The following INVS variants were observed in gnomAD, a reference collection of about 807,000 sequenced individuals.
INVS encodes inversion of embryo turning homolog.
In INVS, 86 loss-of-function variants were observed where a neutral mutation model predicts 108.8. That is an observed-to-expected ratio of 0.79 (90% CI 0.66 to 0.95). The LOEUF (loss-of-function observed/expected upper bound fraction) is 0.95. Ranked by LOEUF, INVS falls within the 40% of genes least tolerant of loss-of-function variation. INVS has a pLI of 0.00. For missense variants in INVS, 1,169 were observed against 1,297.4 expected (o/e 0.90, Z 1.52); for synonymous variants, 455 against 473.5 (o/e 0.96, Z 0.51).
intron 13 of INVS, among the ~76,000 whole-genome samples, chr9:100,289,650 T>TATAA (rs1051708652): frequency 1.3e-5 from 2 of 152,194 alleles, no homozygotes; most frequent in African/African-American, 4.8e-5. Flanking sequence ...TCTATTCTCC[T>TATAA]TTATATGGCC....
intron 3 of INVS, among the ~76,000 whole-genome samples, chr9:100,179,802 A>G (rs1829825485): frequency 6.6e-6 from 1 of 152,204 alleles, no homozygotes; most frequent in Non-Finnish European, 1.5e-5. Context: ...CCTAATAAAC[A>G]TCTACAGAAC....
chr9:100,196,371 T>G (rs1180765659), intron 3 of INVS, among the ~76,000 whole-genome samples: 1 of 152,190 alleles, frequency 6.6e-6, no homozygotes, highest in Non-Finnish European at 1.5e-5. Flanking sequence ...GAGTTTCTGA[T>G]AAACAACTCA....
At chr9:100,297,595 A>G (rs2118784689) in intron 15 of INVS, among the ~76,000 whole-genome samples, 1 of 152,328 alleles carries the variant, frequency 6.6e-6, no homozygotes, top group South Asian at 2.1e-4. Context: ...CACTATAGTA[A>G]ATATTTGTTC....
intron 3 of INVS, among the ~76,000 whole-genome samples, chr9:100,181,619 CACAA>C (rs1294505550): frequency 2.6e-5 from 4 of 151,928 alleles, no homozygotes; most frequent in Admixed American, 6.6e-5. Flanking sequence ...TAAGAGATGA[CACAA>C]ACAAATAGAA....
intron 3 of INVS, among the ~76,000 whole-genome samples, chr9:100,176,896 A>G (rs986867628): frequency 2.6e-5 from 4 of 152,052 alleles, no homozygotes; most frequent in Admixed American, 2.6e-4. Context: ...GGTTATGCTA[A>G]TATTTATAGA....
chr9:100,200,957 C>T (rs1429072007), intron 3 of INVS, among the ~76,000 whole-genome samples: 4 of 152,214 alleles, frequency 2.6e-5, no homozygotes, highest in African/African-American at 9.6e-5. Context: ...TTCATTCACT[C>T]ATTTACTCAT....
At chr9:100,295,338 G>A (rs1270262355) in intron 14 of INVS, among the ~76,000 whole-genome samples, 1 of 152,184 alleles carries the variant, frequency 6.6e-6, no homozygotes, top group African/African-American at 2.4e-5. Flanking sequence ...GCCCCCTCTG[G>A]ATGTGCCATT....
intron 3 of INVS, among the ~76,000 whole-genome samples, chr9:100,207,083 G>C (rs1365928936): frequency 6.6e-6 from 1 of 152,050 alleles, no homozygotes; most frequent in Non-Finnish European, 1.5e-5. Flanking sequence ...CTCCTGCCAG[G>C]TTCCTCTGCT....
chr9:100,200,498 C>T (rs964478626), intron 3 of INVS, among the ~76,000 whole-genome samples: 6 of 152,176 alleles, frequency 3.9e-5, no homozygotes, highest in African/African-American at 1.2e-4. Context: ...CTCGGTTTTT[C>T]CCTTAGTCTA....
chr9:100,213,398 G>T (rs1321054988), intron 3 of INVS, among the ~76,000 whole-genome samples: 1 of 151,612 alleles, frequency 6.6e-6, no homozygotes, highest in Non-Finnish European at 1.5e-5. Flanking sequence ...TAGAGAAAGG[G>T]TCTCACTATG....
intron 2 of INVS, among the ~76,000 whole-genome samples, chr9:100,119,620 A>G (rs2118872767): frequency 6.6e-6 from 1 of 152,308 alleles, no homozygotes; most frequent in East Asian, 1.9e-4. Context: ...GCAGTGGTGC[A>G]ATCTCAGCTT....
chr9:100,141,438 G>A (rs897700932), intron 3 of INVS, among the ~76,000 whole-genome samples: 1 of 152,112 alleles, frequency 6.6e-6, no homozygotes, highest in Non-Finnish European at 1.5e-5. Flanking sequence ...CCAAGAGCCT[G>A]AAAAAATGCT....
At chr9:100,242,215 A>G (rs1831897039) in intron 6 of INVS, among the ~76,000 whole-genome samples, 1 of 152,200 alleles carries the variant, frequency 6.6e-6, no homozygotes, top group Non-Finnish European at 1.5e-5. Context: ...GTGAAGGCTA[A>G]GAGGGCTTGG....
chr9:100,297,209 G>C, intron 15 of INVS, 63 bp downstream of exon 15: 1 of 1,268,350 alleles, frequency 7.9e-7, no homozygotes, highest in Non-Finnish European at 1.1e-6. Context: ...ATCAGAATCT[G>C]AAGTAGAATT....
intron 3 of INVS, among the ~76,000 whole-genome samples, chr9:100,188,878 G>C (rs145923034): frequency 1.3e-4 from 20 of 152,050 alleles, no homozygotes; most frequent in Admixed American, 9.8e-4. Context: ...CTCATTGCTT[G>C]TTATTGGTTT....
chr9:100,117,831 T>TA (rs1384787740), intron 2 of INVS, among the ~76,000 whole-genome samples: 3 of 152,136 alleles, frequency 2.0e-5, no homozygotes, highest in Non-Finnish European at 4.4e-5. Context: ...CTTTGGGAGA[T>TA]AATTTAAGTC....
At chr9:100,211,059 C>A (rs536394840) in intron 3 of INVS, among the ~76,000 whole-genome samples, 1 of 152,176 alleles carries the variant, frequency 6.6e-6, no homozygotes, top group Admixed American at 6.5e-5. Context: ...CAGTGAATGA[C>A]AAACTCTGCG....
intron 2 of INVS, among the ~76,000 whole-genome samples, chr9:100,107,517 G>T (rs979973005): frequency 1.3e-5 from 2 of 152,060 alleles, no homozygotes; most frequent in African/African-American, 2.4e-5. Context: ...GGTAAAACTT[G>T]CCTTCTTTCA....
chr9:100,250,243 ACAGTTGTC>A (rs1343289855), intron 8 of INVS, among the ~76,000 whole-genome samples: 1 of 152,234 alleles, frequency 6.6e-6, no homozygotes, highest in Non-Finnish European at 1.5e-5. Flanking sequence ...TCAAAAGTAG[ACAGTTGTC>A]CAGTGAACTC....
Sources: allele counts gnomAD v4.1 joint callset (sites outside exome capture counted in the v4.1 genomes callset), GRCh38; gene constraint gnomAD v4.1.1; transcripts MANE v1.5; gene names NCBI Gene and HGNC (gene_info 2026-07-23, HGNC 2026-07-21).